The following DNAH8 variants were observed in gnomAD, a reference collection of about 807,000 sequenced individuals.
DNAH8 encodes axonemal beta dynein heavy chain 8.
DNAH8 carries 382 observed loss-of-function variants against 562.1 expected under a neutral mutation model. The ratio of observed to expected loss-of-function variants is 0.68; its 90% CI spans 0.63 to 0.74. DNAH8 has a LOEUF of 0.74. DNAH8 is among the 30% of genes least tolerant of loss of function. DNAH8 has a pLI of 0.00. For missense variants in DNAH8, 5,203 were observed against 5,620.4 expected, an observed-to-expected ratio of 0.93 and a Z score of 2.37; for synonymous variants, 1,881 against 1,919.4, an observed-to-expected ratio of 0.98 and a Z score of 0.52.
chr6:38,915,422 CTTCATGT>C (rs1781237215), intron 68 of DNAH8, 45 bp downstream of exon 68: 1 of 1,380,604 alleles, frequency 7.2e-7, no homozygotes, highest in Non-Finnish European at 9.5e-7. Context: ...TCCTAGAAGG[CTTCATGT>C]TTCATTACAT....
chr6:38,864,129 G>A (rs1235762208), intron 45 of DNAH8, 69 bp downstream of exon 45: 2 of 1,403,280 alleles, frequency 1.4e-6, no homozygotes, highest in East Asian at 2.4e-5. Context: ...AACAAAGCAT[G>A]TGTTAATGGG....
chr6:38,940,931 C>CTAAACCTGT (rs55709431), intron 79 of DNAH8, among the ~76,000 whole-genome samples: 2 of 151,570 alleles, frequency 1.3e-5, no homozygotes, highest in South Asian at 2.1e-4. Flanking sequence ...TCCTGGTCAC[C>CTAAACCTGT]GGTTTAGGTG....
rs58784448 is a variant in DNAH8, at chr6:38,772,971, C to CTTTTTTTT, written c.1764+2432_1764+2439dup. 4.9e-3 allele frequency among the ~76,000 whole-genome samples: 434 copies of CTTTTTTTT among 88,058 alleles called. 63 individuals carry two copies. The highest frequency in any genetic ancestry group is 7.2e-3 in the Middle Eastern group (1 of 138). The allele number at this position is 88,058 out of a possible 152,430, so 57.8% of individuals were successfully genotyped here. On this transcript the variant is annotated intron_variant, in intron 12 of 92. Transcript: ENST00000327475. ...ATACCACCATGCCTAGCTAATTAAA[C>CTTTTTTTT]TTTTTTTTTTTTTTTTTTTTTTTTT... is the stretch of plus-strand genomic sequence containing the variant.
At chr6:39,029,319 G>T (rs184460076) in intron 92 of DNAH8, among the ~76,000 whole-genome samples, 85 of 152,072 alleles carry the variant, frequency 5.6e-4, no homozygotes, top group African/African-American at 2.0e-3. Context: ...GCCCATCAAG[G>T]CCCATCAAGG....
intron 32 of DNAH8, among the ~76,000 whole-genome samples, chr6:38,835,661 G>A (rs922899665): frequency 6.6e-6 from 1 of 152,126 alleles, no homozygotes; most frequent in Non-Finnish European, 1.5e-5. Context: ...AACTAGTAGG[G>A]CAATATGGGG....
At chr6:38,880,704 A>G (rs1017630106) in intron 53 of DNAH8, among the ~76,000 whole-genome samples, 5 of 152,362 alleles carry the variant, frequency 3.3e-5, no homozygotes, top group African/African-American at 1.2e-4. Context: ...GATATTTAAC[A>G]TCATTGGTCG....
intron 3 of DNAH8, among the ~76,000 whole-genome samples, chr6:38,725,123 T>G (rs1019354924): frequency 2.0e-5 from 3 of 151,792 alleles, no homozygotes; most frequent in African/African-American, 7.3e-5. Flanking sequence ...ACCAAAATGG[T>G]GAAACCCTGT....
intron 4 of DNAH8, 47 bp from the exon 5 acceptor site, chr6:38,734,427 T>G (rs767933963): frequency 6.3e-7 from 1 of 1,595,188 alleles, no homozygotes; most frequent in South Asian, 1.1e-5. Flanking sequence ...TTATCTCATT[T>G]GATTAGTTGT....
intron 81 of DNAH8, among the ~76,000 whole-genome samples, chr6:38,950,913 TGTA>T (rs1175051436): frequency 1.3e-5 from 2 of 152,124 alleles, no homozygotes; most frequent in African/African-American, 4.8e-5. Context: ...TGTCTGTGTG[TGTA>T]GAACTTGCTA....
chr6:38,893,292 C>T (rs970786652), intron 58 of DNAH8, among the ~76,000 whole-genome samples: 1 of 152,128 alleles, frequency 6.6e-6, no homozygotes, highest in East Asian at 1.9e-4. Flanking sequence ...TCTATCAGCC[C>T]ACCTTTGTAT....
chr6:38,994,839 T>C (rs1319562268), intron 88 of DNAH8, among the ~76,000 whole-genome samples: 1 of 152,038 alleles, frequency 6.6e-6, no homozygotes, highest in Non-Finnish European at 1.5e-5. Context: ...GGAAGGGGTT[T>C]CACCATGTTG....
At chr6:38,859,972 T>A (rs1776486047) in intron 42 of DNAH8, among the ~76,000 whole-genome samples, 1 of 152,214 alleles carries the variant, frequency 6.6e-6, no homozygotes, top group African/African-American at 2.4e-5. Context: ...ACTGACCTTT[T>A]TTCAATTCCT....
At chr6:38,883,778 G>A (rs945750178) in intron 55 of DNAH8, 98 bp from the exon 56 acceptor site, 68 of 995,414 alleles carry the variant, frequency 6.8e-5, no homozygotes, top group South Asian at 8.3e-5. Context: ...TATTAAATGC[G>A]TAAGTAAATT....
intron 91 of DNAH8, among the ~76,000 whole-genome samples, chr6:39,019,355 T>C (rs1007046283): frequency 1.3e-5 from 2 of 152,194 alleles, no homozygotes; most frequent in Non-Finnish European, 2.9e-5. Flanking sequence ...TCCCATTTGA[T>C]GCTTTCTACT....
In DNAH8 at chr6:38,723,069, G is replaced by C; in HGVS notation, c.260G>C (p.Arg87Thr). ...GCGGATCTGAATAGAGTTCGACAGAGGCTTGCACCGCGACCGGTTCAGTCA... is the reference window on the plus strand; with the variant it reads ...GCGGATCTGAATAGAGTTCGACAGACGCTTGCACCGCGACCGGTTCAGTCA... Reference protein sequence around the residue: ...HEADLNRVRQRLAPRPVQSVI... With the variant: ...HEADLNRVRQTLAPRPVQSVI... Residue 87 changes from arginine (R) to threonine (T), a missense_variant, in exon 2 of 93, where the codon AGG becomes ACG. Physicochemically the swap from Arg to Thr is moderately conservative, Grantham distance 71 (BLOSUM62 -1). Around this residue, in one of 6 missense-constraint regions of DNAH8, gnomAD observed 556 missense variants for 496.9 expected, o/e 1.12. Transcript: ENST00000327475. 6.2e-7 allele frequency: 1 copy of C among 1,612,904 alleles called. No homozygotes were observed. The highest frequency in any genetic ancestry group is 1.1e-5 in the South Asian group (1 of 91,082).
intron 80 of DNAH8, among the ~76,000 whole-genome samples, chr6:38,948,948 T>G (rs1761654564): frequency 6.6e-6 from 1 of 152,166 alleles, no homozygotes; most frequent in Non-Finnish European, 1.5e-5. Context: ...ATTTAGAGGT[T>G]GGGTTATCAG....
In DNAH8 at chr6:38,723,596, A is replaced by T. The variant is rs557007068; in HGVS notation, c.525+125A>T. ...TCATTCAGAAAGACAAAGTTGGGGC[A>T]GGGCACAGTGGCTCATGCCTGTAAT... On this transcript the variant is annotated intron_variant, in intron 3 of 92. Transcript: ENST00000327475. The T allele has an allele frequency of 1.7e-5, 21 of 1,246,874 alleles. No homozygotes were observed. In the East Asian group the frequency reaches 3.3e-4, roughly 20 times the overall value. 77.2% of individuals were successfully genotyped at this position (1,246,874 alleles called of 1,614,324 possible).
At chr6:38,729,828 C>T in intron 3 of DNAH8, 74 bp from the exon 4 acceptor site, 1 of 781,076 alleles carries the variant, frequency 1.3e-6, no homozygotes, top group Non-Finnish European at 2.1e-6. Context: ...CTTTGAGCTT[C>T]ATCTTCTTCA....
At chr6:38,852,398 A>AGGGGGGAGGC (rs1775823545) in intron 39 of DNAH8, among the ~76,000 whole-genome samples, 1 of 149,840 alleles carries the variant, frequency 6.7e-6, no homozygotes, top group Non-Finnish European at 1.5e-5. Context: ...TCGGGGGAGG[A>AGGGGGGAGGC]GGGGGGAGGC....
Sources: gnomAD v4.1 joint callset for allele counts (sites outside exome capture counted in the v4.1 genomes callset) on GRCh38, gnomAD v4.1.1 for gene constraint, gnomAD v4.1.1 regional missense constraint, MANE v1.5 for transcripts, NCBI Gene and HGNC (gene_info 2026-07-23, HGNC 2026-07-21) for gene names.